Variants in FGF14 observed in about 807,000 individuals in gnomAD.
The protein encoded by FGF14 is fibroblast growth factor 14, also known as fibroblast growth factor homologous factor 4.
In FGF14, 5 loss-of-function variants were observed where a neutral mutation model predicts 25.5. The observed-to-expected ratio is 0.20, with a 90% confidence interval of 0.10 to 0.41. The LOEUF is 0.41. FGF14 is among the 10% of genes least tolerant of loss of function. FGF14 has a pLI of 1.00. For synonymous variants in FGF14, 138 were observed against 118.3 expected, an observed-to-expected ratio of 1.17 and a Z score of -1.08; for missense variants, 222 against 320.1, an observed-to-expected ratio of 0.69 and a Z score of 2.34.
chr13:102,010,765 A>G (rs753603072), intron 1 of FGF14, among the ~76,000 whole-genome samples: 1 of 152,164 alleles, frequency 6.6e-6, no homozygotes, highest in Admixed American at 6.5e-5. Flanking sequence ...ACTGTATTTT[A>G]GATAATGCAA....
chr13:101,842,194 C>T (rs1358284440), intron 3 of FGF14, among the ~76,000 whole-genome samples: 1 of 151,904 alleles, frequency 6.6e-6, no homozygotes, highest in East Asian at 1.9e-4. Context: ...TGTCCTTTTT[C>T]CAGTATTCTT....
intron 1 of FGF14, among the ~76,000 whole-genome samples, chr13:102,174,929 A>T (rs539958333): frequency 6.6e-6 from 1 of 152,090 alleles, no homozygotes; most frequent in Non-Finnish European, 1.5e-5. Context: ...AAAAGTTGAA[A>T]TTAAAAAAAA....
chr13:101,974,176 A>G (rs914591090), intron 1 of FGF14, among the ~76,000 whole-genome samples: 2 of 152,228 alleles, frequency 1.3e-5, no homozygotes, highest in Admixed American at 6.5e-5. Context: ...CAGTCCTTGT[A>G]AAGTTTGAAT....
At chr13:101,729,107 A>T (rs2035636846) in intron 3 of FGF14, among the ~76,000 whole-genome samples, 1 of 152,146 alleles carries the variant, frequency 6.6e-6, no homozygotes, top group South Asian at 2.1e-4. Flanking sequence ...AAAGAAGTCA[A>T]TTCCACAGCA....
chr13:102,153,558 A>C (rs922847602), intron 1 of FGF14, among the ~76,000 whole-genome samples: 1 of 152,246 alleles, frequency 6.6e-6, no homozygotes, highest in African/African-American at 2.4e-5. Context: ...ATGAAATGTA[A>C]GTAAACAATT....
intron 3 of FGF14, among the ~76,000 whole-genome samples, chr13:101,803,151 C>A (rs1462675992): frequency 3.6e-5 from 5 of 138,546 alleles, no homozygotes; most frequent in African/African-American, 1.4e-4. Flanking sequence ...TTTTTTGAGA[C>A]AAGGTCCTTC....
chr13:101,869,217 C>CA (rs1377417809), intron 2 of FGF14, among the ~76,000 whole-genome samples: 1 of 152,146 alleles, frequency 6.6e-6, no homozygotes, highest in African/African-American at 2.4e-5. Flanking sequence ...ACCCTTCGCA[C>CA]AGAAGGTGTG....
intron 3 of FGF14, among the ~76,000 whole-genome samples, chr13:101,852,336 A>C (rs2043894929): frequency 6.6e-6 from 1 of 152,090 alleles, no homozygotes; most frequent in Non-Finnish European, 1.5e-5. Flanking sequence ...CTAATTACCC[A>C]CAAGCATGAC....
intron 1 of FGF14, among the ~76,000 whole-genome samples, chr13:102,094,269 CAACTT>C (rs2044294680): frequency 1.3e-5 from 2 of 152,256 alleles, no homozygotes; most frequent in Non-Finnish European, 1.5e-5. Flanking sequence ...CATGGTATGA[CAACTT>C]AATAAAGGAA....
At chr13:102,207,365 T>TA (rs1205705655) in intron 1 of FGF14, among the ~76,000 whole-genome samples, 2 of 151,824 alleles carry the variant, frequency 1.3e-5, no homozygotes, top group Non-Finnish European at 2.9e-5. Flanking sequence ...TCAATTCAGT[T>TA]AATGCAAGGA....
chr13:102,118,827 A>G (rs970104080), intron 1 of FGF14, among the ~76,000 whole-genome samples: 7 of 152,114 alleles, frequency 4.6e-5, no homozygotes, highest in Non-Finnish European at 8.8e-5. Context: ...TCACACTTAC[A>G]CCAAAAAATT....
chr13:102,382,645 T>C (rs74700669), intron 1 of FGF14, among the ~76,000 whole-genome samples: 6,210 of 152,168 alleles, frequency 0.041, 385 homozygotes, highest in African/African-American at 0.13. Flanking sequence ...AATTGAAACA[T>C]ATGTCCATGT....
At chr13:102,101,939 G>T (rs1219769991) in intron 1 of FGF14, among the ~76,000 whole-genome samples, 1 of 152,132 alleles carries the variant, frequency 6.6e-6, no homozygotes, top group Non-Finnish European at 1.5e-5. Flanking sequence ...CTGACCTCAG[G>T]TGATCCACCT....
intron 1 of FGF14, among the ~76,000 whole-genome samples, chr13:102,298,189 A>G (rs1442788671): frequency 6.6e-6 from 1 of 152,140 alleles, no homozygotes; most frequent in Non-Finnish European, 1.5e-5. Context: ...CATGAAAATC[A>G]AGAAGGATGC....
chr13:101,996,000 A>C (rs984966283), intron 1 of FGF14, among the ~76,000 whole-genome samples: 4 of 152,220 alleles, frequency 2.6e-5, no homozygotes, highest in African/African-American at 9.6e-5. Context: ...TAATGTAAAG[A>C]GTATAACTGA....
At chr13:101,792,796 C>T (rs908028244) in intron 3 of FGF14, among the ~76,000 whole-genome samples, 2 of 152,034 alleles carry the variant, frequency 1.3e-5, no homozygotes, top group Non-Finnish European at 2.9e-5. Flanking sequence ...GCAAGGGGCC[C>T]TATAGTCCTT....
intron 1 of FGF14, among the ~76,000 whole-genome samples, chr13:102,055,268 C>T (rs1333054811): frequency 6.6e-6 from 1 of 152,178 alleles, no homozygotes; most frequent in Non-Finnish European, 1.5e-5. Context: ...TCTGCTTATG[C>T]ACATACTATT....
intron 3 of FGF14, among the ~76,000 whole-genome samples, chr13:101,860,650 C>T (rs2044368105): frequency 6.6e-6 from 1 of 151,938 alleles, no homozygotes; most frequent in Non-Finnish European, 1.5e-5. Context: ...GATCGCAACT[C>T]ACTGCAGCCT....
chr13:102,287,815 A>G (rs564838236), intron 1 of FGF14, among the ~76,000 whole-genome samples: 6 of 152,298 alleles, frequency 3.9e-5, no homozygotes, highest in Non-Finnish European at 8.8e-5. Context: ...CTGGAGTCCA[A>G]CTTTTTACCT....
Sources: allele counts gnomAD v4.1 joint callset (sites outside exome capture counted in the v4.1 genomes callset), GRCh38; gene constraint gnomAD v4.1.1; transcripts MANE v1.5; gene names NCBI Gene and HGNC (gene_info 2026-07-23, HGNC 2026-07-21).